ATE1: variants seen among roughly 807,000 people sequenced by gnomAD.
ATE1 encodes the protein arginyltransferase 1, also known as arginyl-tRNA--protein transferase 1.
A neutral mutation model predicts 70.5 loss-of-function variants in ATE1; 36 were observed. The observed-to-expected ratio is 0.51, with a 90% confidence interval of 0.39 to 0.67. ATE1 has a LOEUF of 0.67. ATE1 is among the 30% of genes least tolerant of loss of function. The pLI is 0.00. For synonymous variants in ATE1, 232 were observed against 219.3 expected (o/e 1.06, Z -0.51); for missense variants, 593 against 629.5 (o/e 0.94, Z 0.62).
chr10:121,866,899 G>A (rs1949684726), intron 8 of ATE1, among the ~76,000 whole-genome samples: 1 of 151,184 alleles, frequency 6.6e-6, no homozygotes, highest in Non-Finnish European at 1.5e-5. Flanking sequence ...GCTGCAGCTA[G>A]TGTACTCTAG....
intron 8 of ATE1, among the ~76,000 whole-genome samples, chr10:121,863,439 G>A (rs11591439): frequency 0.18 from 27,291 of 151,644 alleles, 3,172 homozygotes; most frequent in Non-Finnish European, 0.25. Flanking sequence ...TTTTAGTAGA[G>A]ACAGGGTTTC....
intron 11 of ATE1, among the ~76,000 whole-genome samples, chr10:121,776,814 G>A (rs538216762): frequency 1.9e-4 from 29 of 152,220 alleles, no homozygotes; most frequent in Non-Finnish European, 2.5e-4. Context: ...GGGGACTACA[G>A]TTGAGAGTTT....
At chr10:121,777,792 G>T (rs1021065673) in intron 11 of ATE1, among the ~76,000 whole-genome samples, 2 of 152,130 alleles carry the variant, frequency 1.3e-5, no homozygotes, top group African/African-American at 4.8e-5. Context: ...TACGTTTATT[G>T]TGTCTATAAA....
At chr10:121,834,122 A>C (rs920000988) in intron 10 of ATE1, among the ~76,000 whole-genome samples, 1 of 152,174 alleles carries the variant, frequency 6.6e-6, no homozygotes, top group Non-Finnish European at 1.5e-5. Context: ...AAAACTTCCC[A>C]TTGGCTGACT....
At chr10:121,897,073 A>C (rs970938448) in intron 7 of ATE1, among the ~76,000 whole-genome samples, 4 of 152,020 alleles carry the variant, frequency 2.6e-5, no homozygotes, top group Non-Finnish European at 5.9e-5. Context: ...AAACCTCTCT[A>C]ACCTCCAGTT....
intron 4 of ATE1, among the ~76,000 whole-genome samples, chr10:121,912,555 G>A (rs1332130310): frequency 1.3e-5 from 2 of 151,674 alleles, no homozygotes; most frequent in African/African-American, 4.8e-5. Context: ...GGGAGGCGGA[G>A]ACAACAGAAT....
chr10:121,792,083 A>G (rs1946475914), intron 10 of ATE1, among the ~76,000 whole-genome samples: 1 of 151,414 alleles, frequency 6.6e-6, no homozygotes, highest in Non-Finnish European at 1.5e-5. Context: ...TTCCTGTTTG[A>G]GTGGCTGGGA....
At chr10:121,771,943 T>C (rs1743593043) in intron 11 of ATE1, among the ~76,000 whole-genome samples, 1 of 152,248 alleles carries the variant, frequency 6.6e-6, no homozygotes, top group African/African-American at 2.4e-5. Flanking sequence ...TTCTTTACTG[T>C]AACCATTTAA....
chr10:121,904,573 G>A (rs1447796768), intron 5 of ATE1, among the ~76,000 whole-genome samples: 2 of 149,582 alleles, frequency 1.3e-5, no homozygotes, highest in East Asian at 2.0e-4. Flanking sequence ...CCCAGTAGGT[G>A]GAGGTTGCAG....
chr10:121,769,185 G>T (rs1367104856), intron 11 of ATE1, among the ~76,000 whole-genome samples: 2 of 152,164 alleles, frequency 1.3e-5, no homozygotes, highest in Admixed American at 1.3e-4. Flanking sequence ...TGTAGTATTG[G>T]TGGAGGACTG....
intron 11 of ATE1, among the ~76,000 whole-genome samples, chr10:121,775,779 G>A (rs1281279122): frequency 1.3e-5 from 2 of 152,184 alleles, no homozygotes; most frequent in East Asian, 3.9e-4. Context: ...TAACTTGGCT[G>A]GGTCAGCACC....
Position 121,817,874 on chromosome 10 carries a change from C to T in ATE1, c.1257+18844G>A, listed in dbSNP as rs1049245863. Among the ~76,000 whole-genome samples, 8 of 152,022 alleles carry T rather than the reference C, an allele frequency of 5.3e-5. No homozygotes were observed. In the South Asian group the frequency reaches 8.3e-4, roughly 16 times the overall value. ...GATGGTTCCAACCCTAGGGCACTAA[C>T]GCAAAGTAAAGAAGGGATTAAAAAT... On this transcript the variant is annotated intron_variant, in intron 10 of 11. Coordinates refer to ENST00000224652, the MANE Select transcript of ATE1 (RefSeq NM_001001976.3).
At position 121,780,621 on chromosome 10, in the gene ATE1, T is replaced by C. The variant is rs114010471; in HGVS notation, c.1378+9548A>G. Reference sequence around the variant, plus strand: ...GGATAAAAATCTCAACTCCTTATCATGATTTACAAACCCTTTACTAGCCAG... The same window carrying C: ...GGATAAAAATCTCAACTCCTTATCACGATTTACAAACCCTTTACTAGCCAG... On this transcript the variant is annotated intron_variant, in intron 11 of 11. Transcript: ENST00000224652. Among the ~76,000 whole-genome samples, 1,181 of 152,354 alleles carry C rather than the reference T, an allele frequency of 7.8e-3. 13 individuals carry two copies. The highest frequency in any genetic ancestry group is 0.027 in the African/African-American group (1,140 of 41,594).
chr10:121,928,042 C>T (rs1379451023), upstream of ATE1: 9 of 1,229,044 alleles, frequency 7.3e-6, no homozygotes, highest in Non-Finnish European at 9.2e-6. Context: ...GCCCGGGAGC[C>T]TCCCGAGGCT....
chr10:121,766,776 G>A (rs1181861160), intron 11 of ATE1, among the ~76,000 whole-genome samples: 1 of 152,020 alleles, frequency 6.6e-6, no homozygotes, highest in Non-Finnish European at 1.5e-5. Context: ...AAAGACTGAA[G>A]AAATTAAATT....
intron 11 of ATE1, among the ~76,000 whole-genome samples, chr10:121,775,006 T>G (rs1482695563): frequency 2.0e-5 from 3 of 152,126 alleles, no homozygotes; most frequent in Non-Finnish European, 1.5e-5. Context: ...GGCAGACACA[T>G]GTGGAGAAAC....
intron 7 of ATE1, among the ~76,000 whole-genome samples, chr10:121,883,861 T>C (rs1950297546): frequency 6.6e-6 from 1 of 151,902 alleles, no homozygotes; most frequent in African/African-American, 2.4e-5. Context: ...TCCCAGCACT[T>C]TGGGAGGCCA....
At chr10:121,810,643 C>G (rs1313213080) in intron 10 of ATE1, among the ~76,000 whole-genome samples, 1 of 152,098 alleles carries the variant, frequency 6.6e-6, no homozygotes, top group Non-Finnish European at 1.5e-5. Context: ...AACATCAATA[C>G]CTTCCTCCTA....
At chr10:121,907,505 T>C (rs1368579008) in intron 5 of ATE1, among the ~76,000 whole-genome samples, 4 of 151,562 alleles carry the variant, frequency 2.6e-5, no homozygotes, top group Non-Finnish European at 5.9e-5. Flanking sequence ...CCAGACACGG[T>C]GGTTCACACC....
Sources: gnomAD v4.1 joint callset for allele counts (sites outside exome capture counted in the v4.1 genomes callset) on GRCh38, gnomAD v4.1.1 for gene constraint, MANE v1.5 for transcripts, NCBI Gene and HGNC (gene_info 2026-07-23, HGNC 2026-07-21) for gene names.